The following CORO2B variants were observed in gnomAD, a reference collection of about 807,000 sequenced individuals.
CORO2B encodes the protein coronin 2B.
Under a neutral mutation model 58.8 loss-of-function variants are expected in CORO2B, and 26 were observed. The observed-to-expected ratio is 0.44, with a 90% CI of 0.32 to 0.61. CORO2B has a LOEUF of 0.61. Among genes scored for constraint, CORO2B ranks in the 20% least tolerant of loss-of-function variants. The pLI, the probability that CORO2B is intolerant of heterozygous loss-of-function variation, is 0.04. For synonymous variants in CORO2B, 242 were observed against 253.8 expected (o/e 0.95, Z 0.44); for missense variants, 460 against 645.1 (o/e 0.71, Z 3.11).
intron 1 of CORO2B, among the ~76,000 whole-genome samples, chr15:68,580,646 C>G (rs899555793): frequency 2.0e-5 from 3 of 152,088 alleles, no homozygotes; most frequent in African/African-American, 7.2e-5. Context: ...TGTGGCCCAC[C>G]TGGGGTAAGA....
chr15:68,717,643 A>G (rs1893063401), intron 8 of CORO2B, among the ~76,000 whole-genome samples: 3 of 151,652 alleles, frequency 2.0e-5, no homozygotes, highest in Non-Finnish European at 4.4e-5. Flanking sequence ...GTAGACTCAG[A>G]AAAGTTAAGC....
chr15:68,711,622 C>T lies in CORO2B; in HGVS notation c.564C>T (p.Phe188=), dbSNP rs561018031. 30 of 1,614,168 alleles carry T rather than the reference C, an allele frequency of 1.9e-5. 2 individuals carry two copies. In the Admixed American group the frequency reaches 2.7e-4, roughly 14 times the overall value. Residue 188 remains phenylalanine (F), a synonymous_variant, in exon 5 of 12, where the codon TTC becomes TTT. Coordinates refer to ENST00000261861, the MANE Select transcript of CORO2B (RefSeq NM_006091.5). The part of the protein sequence containing the change: ...CHTDVILCMS[F]NTDGSLLTTT... ...CGGATGTGATCCTCTGCATGTCCTT[C>T]AACACGGACGGCAGCCTGCTCACCA...
At chr15:68,573,672 A>C in the CORO2B span, among the ~76,000 whole-genome samples, 1 of 152,206 alleles carries the variant, frequency 6.6e-6, no homozygotes, top group African/African-American at 2.4e-5. Flanking sequence ...GGAGACCCAC[A>C]TACAGAGAAG....
Position 68,586,838 on chromosome 15 carries a change from C to T in CORO2B, c.15+7561C>T, listed in dbSNP as rs575963643. Among the ~76,000 whole-genome samples the T allele has an allele frequency of 1.7e-3, 261 of 152,232 alleles. 1 individual carries two copies. The highest frequency in any genetic ancestry group is 6.1e-3 in the African/African-American group (255 of 41,534). ...CTACCCCGATGCCTCACGGAGCCTC[C>T]TTGGGCTGTGTAAAGTGGCCAGAGG... On this transcript the variant is annotated intron_variant, in intron 1 of 11. Transcript: ENST00000261861.
chr15:68,614,886 G>A (rs1327476704), intron 1 of CORO2B, among the ~76,000 whole-genome samples: 1 of 152,206 alleles, frequency 6.6e-6, no homozygotes, highest in Non-Finnish European at 1.5e-5. Context: ...CCGGGCCTGC[G>A]CCCATGTATT....
At chr15:68,672,159 G>GTGTGTGT (rs111491550) in intron 2 of CORO2B, among the ~76,000 whole-genome samples, 1 of 146,178 alleles carries the variant, frequency 6.8e-6, no homozygotes, top group African/African-American at 2.5e-5. Flanking sequence ...GTAATCGGGA[G>GTGTGTGT]GTGTGTGTGT....
chr15:68,544,569 A>T, the CORO2B span, among the ~76,000 whole-genome samples: 2 of 152,118 alleles, frequency 1.3e-5, no homozygotes, highest in East Asian at 3.9e-4. Context: ...CAGTCAACTT[A>T]CCACCAGGAG....
chr15:68,523,666 G>T, the CORO2B span, among the ~76,000 whole-genome samples: 1 of 152,150 alleles, frequency 6.6e-6, no homozygotes, highest in African/African-American at 2.4e-5. Flanking sequence ...TTGGACCTTG[G>T]CTCCTCAAGT....
intron 1 of CORO2B, among the ~76,000 whole-genome samples, chr15:68,643,854 A>G (rs1214575869): frequency 6.6e-6 from 1 of 152,128 alleles, no homozygotes; most frequent in Non-Finnish European, 1.5e-5. Flanking sequence ...CCTGGCCAAC[A>G]TGGTGAAATC....
chr15:68,660,639 G>A (rs2140286246), intron 2 of CORO2B, among the ~76,000 whole-genome samples: 1 of 152,224 alleles, frequency 6.6e-6, no homozygotes, highest in South Asian at 2.1e-4. Context: ...CCAAAGTGTT[G>A]GGATTACAGG....
chr15:68,687,250 G>C (rs1390755161), intron 2 of CORO2B, among the ~76,000 whole-genome samples: 3 of 152,238 alleles, frequency 2.0e-5, no homozygotes, highest in Non-Finnish European at 4.4e-5. Flanking sequence ...CCGGAACCGG[G>C]TGTGGAAATC....
chr15:68,691,068 G>A (rs1290430845), intron 2 of CORO2B, among the ~76,000 whole-genome samples: 25 of 151,442 alleles, frequency 1.7e-4, no homozygotes, highest in Non-Finnish European at 3.1e-4. Context: ...GGTGGCTCAC[G>A]CCTGTAATCC....
chr15:68,621,126 C>T (rs1344357539), intron 1 of CORO2B, among the ~76,000 whole-genome samples: 2 of 152,174 alleles, frequency 1.3e-5, no homozygotes, highest in African/African-American at 2.4e-5. Context: ...ATAAACCCTG[C>T]CAGTGCAGGT....
chr15:68,554,301 G>A, the CORO2B span, among the ~76,000 whole-genome samples: 955 of 152,236 alleles, frequency 6.3e-3, 6 homozygotes, highest in Middle Eastern at 0.01. Context: ...CCAGCCTCGG[G>A]ACGTGGAGCA....
chr15:68,665,559 ATGTC>A (rs573617439), intron 2 of CORO2B, among the ~76,000 whole-genome samples: 19 of 151,406 alleles, frequency 1.3e-4, no homozygotes, highest in Non-Finnish European at 2.4e-4. Context: ...ATTAAAGAGA[ATGTC>A]AACCTTATGA....
At chr15:68,557,869 T>A in the CORO2B span, among the ~76,000 whole-genome samples, 1 of 152,124 alleles carries the variant, frequency 6.6e-6, no homozygotes, top group Non-Finnish European at 1.5e-5. Flanking sequence ...ATGACAGGCA[T>A]GAGAGTTGCC....
chr15:68,576,152 CAAA>C (rs3985627), upstream of CORO2B, among the ~76,000 whole-genome samples: 18 of 62,186 alleles, frequency 2.9e-4, no homozygotes, highest in South Asian at 2.3e-3. Context: ...GACTACGTCG[CAAA>C]AAAAAAAAAA....
At chr15:68,712,803 T>C (rs553640341) in intron 5 of CORO2B, among the ~76,000 whole-genome samples, 1 of 152,178 alleles carries the variant, frequency 6.6e-6, no homozygotes, top group Non-Finnish European at 1.5e-5. Context: ...TTAGCGAAGT[T>C]GGGAGACTCG....
chr15:68,593,063 G>A (rs1048615358), intron 1 of CORO2B, among the ~76,000 whole-genome samples: 9 of 152,202 alleles, frequency 5.9e-5, no homozygotes, highest in Non-Finnish European at 1.2e-4. Context: ...CATAGTGAGT[G>A]TGTGAGACAG....
Sources: allele counts gnomAD v4.1 joint callset (sites outside exome capture counted in the v4.1 genomes callset), GRCh38; gene constraint gnomAD v4.1.1; transcripts MANE v1.5; gene names NCBI Gene and HGNC (gene_info 2026-07-23, HGNC 2026-07-21).